The following BMPR1A variants were observed in gnomAD, a reference collection of about 807,000 sequenced individuals.
The protein encoded by BMPR1A is bone morphogenetic protein receptor type-1A.
A neutral mutation model predicts 66.0 loss-of-function variants in BMPR1A; 7 were observed. That is an observed-to-expected ratio of 0.11 (90% confidence interval 0.06 to 0.20). The LOEUF is 0.20. BMPR1A is among the 10% of genes least tolerant of loss of function. BMPR1A has a pLI of 1.00. For synonymous variants in BMPR1A, 200 were observed against 229.7 expected (o/e 0.87, Z 1.17); for missense variants, 408 against 669.1 (o/e 0.61, Z 4.31).
At chr10:86,833,328 C>T (rs901522769) in intron 1 of BMPR1A, among the ~76,000 whole-genome samples, 1 of 151,960 alleles carries the variant, frequency 6.6e-6, no homozygotes, top group Non-Finnish European at 1.5e-5. Context: ...TTTCATGAAG[C>T]ATAGTTATAT....
At position 86,768,076 on chromosome 10, in the gene BMPR1A, T is replaced by C. The variant is rs564132535; in HGVS notation, c.-268+11157T>C. On this transcript the variant is annotated intron_variant, in intron 1 of 12. Coordinates refer to ENST00000372037, the MANE Select transcript of BMPR1A (RefSeq NM_004329.3). ...ATTTTTCTGTGAATTATTCTACATA[T>C]GTGAATCAAATCTGTCATTTCTCTT... 1.1e-4 allele frequency among the ~76,000 whole-genome samples: 17 copies of C among 152,346 alleles called. No homozygotes were observed. In the East Asian group the frequency reaches 3.1e-3, roughly 28 times the overall value.
chr10:86,780,256 G>A (rs1030598592), intron 1 of BMPR1A, among the ~76,000 whole-genome samples: 5 of 152,070 alleles, frequency 3.3e-5, no homozygotes, highest in Admixed American at 1.3e-4. Flanking sequence ...TCTGTAGCTC[G>A]TCTCTTCATG....
intron 1 of BMPR1A, among the ~76,000 whole-genome samples, chr10:86,803,244 G>C (rs1286492635): frequency 2.6e-5 from 4 of 151,958 alleles, no homozygotes; most frequent in Non-Finnish European, 5.9e-5. Context: ...AATTAAATTT[G>C]GTGTTATTTA....
chr10:86,848,573 A>G (rs1842519137), intron 2 of BMPR1A, among the ~76,000 whole-genome samples: 1 of 152,066 alleles, frequency 6.6e-6, no homozygotes, highest in South Asian at 2.1e-4. Context: ...TTTGTTATAT[A>G]TTTAATAATT....
At chr10:86,861,160 C>T (rs1360204870) in intron 2 of BMPR1A, among the ~76,000 whole-genome samples, 1 of 152,094 alleles carries the variant, frequency 6.6e-6, no homozygotes, top group African/African-American at 2.4e-5. Context: ...TTACAACACC[C>T]TAAACCAGTA....
intron 2 of BMPR1A, among the ~76,000 whole-genome samples, chr10:86,867,435 C>A (rs969799764): frequency 6.6e-6 from 1 of 152,162 alleles, no homozygotes; most frequent in East Asian, 1.9e-4. Flanking sequence ...ATAACTGATT[C>A]ACTTCGCCTG....
chr10:86,847,156 A>G (rs896390835), intron 2 of BMPR1A, among the ~76,000 whole-genome samples: 8 of 152,052 alleles, frequency 5.3e-5, no homozygotes, highest in Admixed American at 3.9e-4. Context: ...CGCCTGGCCC[A>G]TTTGGGGTAC....
chr10:86,778,059 A>G (rs1841381088), intron 1 of BMPR1A, among the ~76,000 whole-genome samples: 1 of 152,068 alleles, frequency 6.6e-6, no homozygotes. Flanking sequence ...GGGGGTACAT[A>G]ATGTTGACAT....
At chr10:86,805,879 A>T (rs951012344) in intron 1 of BMPR1A, among the ~76,000 whole-genome samples, 8 of 149,650 alleles carry the variant, frequency 5.3e-5, no homozygotes, top group African/African-American at 1.5e-4. Context: ...CAGTTTTGTC[A>T]GTTGGCCCAA....
chr10:86,877,744 T>C (rs1451869960), intron 3 of BMPR1A, among the ~76,000 whole-genome samples: 1 of 152,210 alleles, frequency 6.6e-6, no homozygotes, highest in Non-Finnish European at 1.5e-5. Context: ...AAAGCTGCTA[T>C]AGTTTTGAAG....
At chr10:86,764,259 A>T (rs892185009) in intron 1 of BMPR1A, among the ~76,000 whole-genome samples, 2 of 152,252 alleles carry the variant, frequency 1.3e-5, no homozygotes, top group African/African-American at 4.8e-5. Flanking sequence ...TCTTGTTAGA[A>T]AATATTAAAG....
downstream of BMPR1A, chr10:86,928,635 A>T (rs1843779400): frequency 6.6e-6 from 1 of 152,058 alleles, no homozygotes; most frequent in Non-Finnish European, 1.5e-5. Context: ...AGACATTATC[A>T]CTATATACAT....
chr10:86,757,562 C>T (rs1847897172), intron 1 of BMPR1A, among the ~76,000 whole-genome samples: 1 of 152,144 alleles, frequency 6.6e-6, no homozygotes, highest in South Asian at 2.1e-4. Flanking sequence ...AATGAGCTTG[C>T]GTCAGGGAAG....
intron 1 of BMPR1A, among the ~76,000 whole-genome samples, chr10:86,770,776 C>T (rs1841245372): frequency 6.6e-6 from 1 of 152,172 alleles, no homozygotes; most frequent in African/African-American, 2.4e-5. Flanking sequence ...TTTTCAAGAT[C>T]TCCATAAGAA....
At chr10:86,846,814 G>T (rs1302117577) in intron 2 of BMPR1A, among the ~76,000 whole-genome samples, 1 of 152,110 alleles carries the variant, frequency 6.6e-6, no homozygotes, top group Non-Finnish European at 1.5e-5. Flanking sequence ...CAGGCTTTTT[G>T]ATTATTCTGC....
At chr10:86,812,212 A>G (rs1375126221) in intron 1 of BMPR1A, among the ~76,000 whole-genome samples, 1 of 152,048 alleles carries the variant, frequency 6.6e-6, no homozygotes, top group African/African-American at 2.4e-5. Context: ...TCACACCCCT[A>G]CTTCACCCCA....
intron 2 of BMPR1A, among the ~76,000 whole-genome samples, chr10:86,861,035 G>A (rs2133233832): frequency 6.6e-6 from 1 of 151,908 alleles, no homozygotes; most frequent in East Asian, 2.0e-4. Context: ...TAGAGACAGG[G>A]TTTCACCATG....
At chr10:86,861,221 A>C (rs1842709933) in intron 2 of BMPR1A, among the ~76,000 whole-genome samples, 1 of 152,158 alleles carries the variant, frequency 6.6e-6, no homozygotes, top group Non-Finnish European at 1.5e-5. Flanking sequence ...AATAAAGTAC[A>C]GATATTTCAT....
rs1371707982 is a variant in BMPR1A, at chr10:86,896,499, C to T, written c.334-3295C>T. ...CTTTGATGTGGACAGTTATATATTA[C>T]TTTAGGACGTAATTATCATGGGAGA... On this transcript the variant is annotated intron_variant, in intron 5 of 12. Transcript: ENST00000372037. Among the ~76,000 whole-genome samples the T allele has an allele frequency of 2.0e-5, 3 of 151,940 alleles. No homozygotes were observed. In the East Asian group the frequency reaches 5.8e-4, roughly 29 times the overall value.
Sources: allele counts gnomAD v4.1 joint callset (sites outside exome capture counted in the v4.1 genomes callset), GRCh38; gene constraint gnomAD v4.1.1; transcripts MANE v1.5; gene names NCBI Gene and HGNC (gene_info 2026-07-23, HGNC 2026-07-21).